Variants in RELN observed in about 807,000 individuals in gnomAD.
RELN encodes the protein reelin.
RELN carries 108 observed loss-of-function variants against 427.6 expected under a neutral mutation model. The observed-to-expected ratio is 0.25, with a 90% confidence interval of 0.22 to 0.30. The LOEUF (loss-of-function observed/expected upper bound fraction) is 0.30. Among genes scored for constraint, RELN ranks in the 10% least tolerant of loss-of-function variants. The pLI is 1.00. For synonymous variants in RELN, 1,524 were observed against 1,513.4 expected (o/e 1.01, Z -0.16); for missense variants, 3,715 against 4,302.8 (o/e 0.86, Z 3.82).
rs1413630771 is a variant in RELN, at chr7:103,988,206, GAAGA to G, written c.226+921_226+924del. Among the ~76,000 whole-genome samples the G allele has an allele frequency of 3.9e-5, 6 of 152,158 alleles. No individual in the cohort carries two copies. Among genetic ancestry groups the G allele is most frequent in the Non-Finnish European group, 8.8e-5 (6 of 68,034 alleles). On this transcript the variant is annotated intron_variant, in intron 1 of 64. Transcript: ENST00000428762. This position sits in a 1 kb window ranked among gnomAD's most constrained non-coding sequence, Gnocchi z 4.9. Reference sequence around the variant, plus strand: ...AGGCATGAAATGTTCAGAAGTCCCAGAAGAAATACAGAAAAGAGACATTTTTTAT... The same window carrying G: ...AGGCATGAAATGTTCAGAAGTCCCAGAATACAGAAAAGAGACATTTTTTAT...
At chr7:103,677,712 G>A (rs560379317) in intron 11 of RELN, among the ~76,000 whole-genome samples, 2 of 132,266 alleles carry the variant, frequency 1.5e-5, no homozygotes, top group South Asian at 5.0e-4. Context: ...GTTGCAGTAA[G>A]CTGATATAGC....
chr7:103,887,940 C>G (rs1794760629), intron 2 of RELN, among the ~76,000 whole-genome samples: 1 of 152,128 alleles, frequency 6.6e-6, no homozygotes, highest in South Asian at 2.1e-4. Flanking sequence ...TAGGATAGAA[C>G]TAGCCCAGGG....
At chr7:103,708,614 C>CTG (rs1789704695) in intron 8 of RELN, among the ~76,000 whole-genome samples, 1 of 151,846 alleles carries the variant, frequency 6.6e-6, no homozygotes. Flanking sequence ...CAGGCGCCCG[C>CTG]CAACACGCCC....
chr7:103,758,359 G>T (rs759054089), intron 4 of RELN, among the ~76,000 whole-genome samples: 3 of 151,992 alleles, frequency 2.0e-5, no homozygotes, highest in Non-Finnish European at 4.4e-5. Flanking sequence ...TGTTACACAG[G>T]TAAGTTAAAA....
chr7:103,863,801 A>T (rs1794128565), intron 2 of RELN, among the ~76,000 whole-genome samples: 1 of 151,906 alleles, frequency 6.6e-6, no homozygotes, highest in African/African-American at 2.4e-5. Flanking sequence ...TTCACATGAG[A>T]TAAATCCTTT....
At chr7:103,749,094 C>T (rs910489349) in intron 6 of RELN, among the ~76,000 whole-genome samples, 1 of 152,010 alleles carries the variant, frequency 6.6e-6, no homozygotes, top group African/African-American at 2.4e-5. Context: ...TTTGTCATTT[C>T]AGATAAACCA....
At chr7:103,911,627 G>A (rs1306240878) in intron 2 of RELN, among the ~76,000 whole-genome samples, 4 of 151,074 alleles carry the variant, frequency 2.6e-5, no homozygotes, top group African/African-American at 9.8e-5. Flanking sequence ...GTGATAGACT[G>A]GATTAAGAAA....
At chr7:103,568,102 T>A (rs555270270) in intron 31 of RELN, among the ~76,000 whole-genome samples, 1 of 152,220 alleles carries the variant, frequency 6.6e-6, no homozygotes, top group South Asian at 2.1e-4. Context: ...CAGCAAATTC[T>A]AACTCTTTTG....
intron 60 of RELN, among the ~76,000 whole-genome samples, chr7:103,486,715 C>T (rs1427505690): frequency 6.6e-6 from 1 of 152,184 alleles, no homozygotes; most frequent in Non-Finnish European, 1.5e-5. Flanking sequence ...GATACCATCT[C>T]ATGTCAGTTA....
chr7:103,493,098 T>G (rs1266419849), intron 57 of RELN, among the ~76,000 whole-genome samples: 1 of 152,152 alleles, frequency 6.6e-6, no homozygotes, highest in African/African-American at 2.4e-5. Context: ...TGCTTAGAGA[T>G]ATGCTTTATA....
At position 103,620,013 on chromosome 7, in the gene RELN, T is replaced by A. The variant is rs1244483666; in HGVS notation, c.2703-8210A>T. ...CTTCTGTCCACTACTTTTGATAAGGTTTTGCTGTGCCCCACCCAAATCTCA... is the reference window on the plus strand; with the variant it reads ...CTTCTGTCCACTACTTTTGATAAGGATTTGCTGTGCCCCACCCAAATCTCA... On this transcript the variant is annotated intron_variant, in intron 20 of 64. Coordinates refer to ENST00000428762, the MANE Select transcript of RELN (RefSeq NM_005045.4). This position sits in a 1 kb window ranked among gnomAD's most constrained non-coding sequence, Gnocchi z 4.1. Among the ~76,000 whole-genome samples, 4 of 152,082 alleles carry A rather than the reference T, an allele frequency of 2.6e-5. No individual in the cohort carries two copies. Among genetic ancestry groups the A allele is most frequent in the African/African-American group, 9.7e-5 (4 of 41,398 alleles).
chr7:103,561,184 C>G (rs1424674813), intron 36 of RELN, among the ~76,000 whole-genome samples: 1 of 152,030 alleles, frequency 6.6e-6, no homozygotes, highest in Non-Finnish European at 1.5e-5. Context: ...AAAGACCGTT[C>G]ATAAAGTCAT....
At position 103,652,874 on chromosome 7, in the gene RELN, C is replaced by G. The variant is rs1832952066; in HGVS notation, c.1555-115G>C. ...TACATAACTGCCATTTATTAAGCAC[C>G]AGGACACGTCCTTTGTGTTGCATTT... On this transcript the variant is annotated intron_variant, in intron 13 of 64. Coordinates refer to ENST00000428762, the MANE Select transcript of RELN (RefSeq NM_005045.4). 3.5e-6 allele frequency: 3 copies of G among 854,958 alleles called. No individual in the cohort carries two copies. In the African/African-American group the frequency reaches 5.0e-5, roughly 14 times the overall value. The allele number at this position is 854,958 out of a possible 1,614,324, so 53.0% of individuals were successfully genotyped here.
intron 8 of RELN, among the ~76,000 whole-genome samples, chr7:103,708,594 G>A (rs1789704012): frequency 6.6e-6 from 1 of 150,930 alleles, no homozygotes; most frequent in South Asian, 2.1e-4. Context: ...CTCCCAAGTA[G>A]CTGGGACTAC....
rs80134998 is a variant in RELN, at chr7:103,583,781, G to A, written c.4145+5815C>T. Among the ~76,000 whole-genome samples, 926 of 152,308 alleles carry A rather than the reference G, an allele frequency of 6.1e-3. 10 individuals are homozygous for A. Among genetic ancestry groups the A allele is most frequent in the African/African-American group, 0.021 (862 of 41,562 alleles). ...ACCTAGAAGGGCTTGGAACTATGGG[G>A]AAAGAGCGTCAGCAGTCCACCTCCC... On this transcript the variant is annotated intron_variant, in intron 28 of 64. Transcript: ENST00000428762.
intron 2 of RELN, among the ~76,000 whole-genome samples, chr7:103,837,614 C>T (rs905060007): frequency 6.6e-6 from 1 of 152,172 alleles, no homozygotes; most frequent in Non-Finnish European, 1.5e-5. Flanking sequence ...TATGCTAGGC[C>T]TAATGATACA....
intron 6 of RELN, among the ~76,000 whole-genome samples, chr7:103,746,317 G>C (rs1790829519): frequency 6.6e-6 from 1 of 152,062 alleles, no homozygotes; most frequent in African/African-American, 2.4e-5. Flanking sequence ...AAAAACCCTA[G>C]AAGAAAACCT....
Position 103,566,208 on chromosome 7 carries a change from T to C in RELN, c.4936+16A>G. On this transcript the variant is annotated intron_variant, in intron 33 of 64. Coordinates refer to ENST00000428762, the MANE Select transcript of RELN (RefSeq NM_005045.4). ...GTTAATCAGATATTTTCCCTTTATC[T>C]GGTGACAATATATACCTATGTTTTC... 1 of 1,593,884 alleles carries C rather than the reference T, an allele frequency of 6.3e-7. No homozygotes were observed. Among genetic ancestry groups the C allele is most frequent in the Non-Finnish European group, 8.6e-7 (1 of 1,161,740 alleles).
intron 1 of RELN, among the ~76,000 whole-genome samples, chr7:103,925,783 T>C (rs1331260803): frequency 1.3e-5 from 2 of 152,214 alleles, no homozygotes; most frequent in East Asian, 1.9e-4. Context: ...TTTTGAGGCA[T>C]GGATAATTTT....
Sources: gnomAD v4.1 joint callset for allele counts (sites outside exome capture counted in the v4.1 genomes callset) on GRCh38, gnomAD v4.1.1 for gene constraint, Gnocchi (gnomAD v3.1) non-coding constraint, MANE v1.5 for transcripts, NCBI Gene and HGNC (gene_info 2026-07-23, HGNC 2026-07-21) for gene names.